ALPK2: variants seen among roughly 807,000 people sequenced by gnomAD.
The protein encoded by ALPK2 is alpha-protein kinase 2.
A neutral mutation model predicts 163.1 loss-of-function variants in ALPK2; 127 were observed. The observed-to-expected ratio is 0.78, with a 90% confidence interval of 0.67 to 0.90. The LOEUF is 0.90. ALPK2 is among the 40% of genes least tolerant of loss of function. ALPK2 has a pLI of 0.00. For synonymous variants in ALPK2, 953 were observed against 959.1 expected (o/e 0.99, Z 0.12); for missense variants, 2,360 against 2,589.6 (o/e 0.91, Z 1.92).
intron 1 of ALPK2, among the ~76,000 whole-genome samples, chr18:58,627,511 C>T (rs890350561): frequency 6.6e-6 from 1 of 152,000 alleles, no homozygotes; most frequent in Non-Finnish European, 1.5e-5. Flanking sequence ...GTAATGCCAC[C>T]TACTTTGGGA....
At chr18:58,532,219 A>C (rs1263153191) in intron 5 of ALPK2, among the ~76,000 whole-genome samples, 1 of 152,218 alleles carries the variant, frequency 6.6e-6, no homozygotes, top group Admixed American at 6.5e-5. Context: ...CTTCCAGTAC[A>C]ATAACCTAGT....
Position 58,537,401 on chromosome 18 carries a change from T to A in ALPK2, c.2786A>T (p.Gln929Leu). The A allele has an allele frequency of 6.2e-7, 1 of 1,613,864 alleles. No homozygotes were observed. The highest frequency in any genetic ancestry group is 8.5e-7 in the Non-Finnish European group (1 of 1,179,836). ...YPLASTVHAG[Q>L]EQPSPSNSGG... ...TGAGTTGCTGGGGCTTGGCTGCTCC[T>A]GGCCAGCATGTACTGTGGAGGCCAG... Residue 929 changes from glutamine to leucine, a missense_variant, in exon 5 of 13, where the codon CAG becomes CTG. By Grantham distance (113) the Gln-to-Leu change is moderately radical. Transcript: ENST00000361673.
chr18:58,523,118 G>A (rs2051564248), intron 8 of ALPK2, among the ~76,000 whole-genome samples: 1 of 127,670 alleles, frequency 7.8e-6, no homozygotes, highest in Non-Finnish European at 1.6e-5. Context: ...CTGTGTCCAT[G>A]TGTTCTCATT....
At chr18:58,595,131 C>A (rs192768998) in intron 3 of ALPK2, among the ~76,000 whole-genome samples, 5 of 152,302 alleles carry the variant, frequency 3.3e-5, no homozygotes, top group African/African-American at 9.6e-5. Context: ...CAGGTAATAA[C>A]CACATCACCT....
chr18:58,535,621 C>G lies in ALPK2; in HGVS notation c.4566G>C (p.Gly1522=). 6.2e-7 allele frequency: 1 copy of G among 1,614,174 alleles called. No homozygotes were observed. Among genetic ancestry groups the G allele is most frequent in the Non-Finnish European group, 8.5e-7 (1 of 1,180,028 alleles). ...TGTCCTTTTTGCTTTGCTCAGCCTC[C>G]CCTAAGCTCCCATCACTGCTTTCTT... ...QIQESSDGSL[G]EAEQSKKDKA... is the part of the protein sequence containing the mutation. The change falls in exon 5 of 13, where the codon GGG becomes GGC. Residue 1522 remains glycine, a synonymous_variant. Coordinates refer to ENST00000361673, the MANE Select transcript of ALPK2 (RefSeq NM_052947.4).
intron 1 of ALPK2, among the ~76,000 whole-genome samples, chr18:58,614,470 C>A (rs909332765): frequency 3.9e-5 from 6 of 152,160 alleles, no homozygotes; most frequent in African/African-American, 1.2e-4. Flanking sequence ...ATAGTAATCC[C>A]CTCTCAGCAT....
chr18:58,597,441 A>T (rs1316168045), intron 3 of ALPK2, among the ~76,000 whole-genome samples: 1 of 152,204 alleles, frequency 6.6e-6, no homozygotes, highest in Non-Finnish European at 1.5e-5. Context: ...TCTTCACCCA[A>T]CCCTGCAAAG....
At chr18:58,496,795 A>G (rs2051403388) in intron 12 of ALPK2, among the ~76,000 whole-genome samples, 1 of 152,134 alleles carries the variant, frequency 6.6e-6, no homozygotes, top group African/African-American at 2.4e-5. Flanking sequence ...GGGCTGCCAT[A>G]TTCCTAGAGA....
intron 8 of ALPK2, among the ~76,000 whole-genome samples, chr18:58,523,039 A>G (rs2051563742): frequency 7.0e-6 from 1 of 142,630 alleles, no homozygotes; most frequent in South Asian, 2.4e-4. Flanking sequence ...CATTAGGTAT[A>G]TCTCCTAATG....
intron 3 of ALPK2, among the ~76,000 whole-genome samples, chr18:58,590,240 A>T (rs941333221): frequency 4.3e-5 from 6 of 138,200 alleles, no homozygotes; most frequent in Admixed American, 4.3e-4. Context: ...AAAAAAAAAA[A>T]GATTTGGAAT....
At chr18:58,484,407 G>T (rs888572575) in intron 12 of ALPK2, among the ~76,000 whole-genome samples, 1 of 152,166 alleles carries the variant, frequency 6.6e-6, no homozygotes, top group Non-Finnish European at 1.5e-5. Flanking sequence ...TGATGAATAC[G>T]ATGCAGGGGA....
At chr18:58,494,213 T>C (rs2051389855) in intron 12 of ALPK2, among the ~76,000 whole-genome samples, 1 of 152,190 alleles carries the variant, frequency 6.6e-6, no homozygotes, top group East Asian at 1.9e-4. Context: ...AGAAAATGGA[T>C]TACTGGATGT....
intron 4 of ALPK2, among the ~76,000 whole-genome samples, chr18:58,552,921 T>A (rs2051767368): frequency 6.6e-6 from 1 of 152,158 alleles, no homozygotes; most frequent in Admixed American, 6.5e-5. Context: ...TTTTTACAAA[T>A]ATAATCACAT....
At chr18:58,524,853 G>T (rs1018325985) in intron 6 of ALPK2, among the ~76,000 whole-genome samples, 4 of 148,498 alleles carry the variant, frequency 2.7e-5, no homozygotes, top group Admixed American at 6.8e-5. Context: ...GCCTCCCCAA[G>T]TAAATTATGG....
At chr18:58,520,902 G>T (rs566851603) in intron 8 of ALPK2, among the ~76,000 whole-genome samples, 2 of 152,328 alleles carry the variant, frequency 1.3e-5, no homozygotes, top group South Asian at 4.1e-4. Flanking sequence ...TGCAGTCCAG[G>T]CTACTCAGGA....
chr18:58,487,932 T>C (rs1008008958), intron 12 of ALPK2, among the ~76,000 whole-genome samples: 2 of 152,222 alleles, frequency 1.3e-5, no homozygotes, highest in African/African-American at 4.8e-5. Context: ...TCCCCCTGGA[T>C]GAGAGTGGTC....
In ALPK2 at chr18:58,537,527, G is replaced by A. The variant is rs781577644; in HGVS notation, c.2660C>T (p.Ser887Phe). The change falls in exon 5 of 13, where the codon TCC (serine) becomes TTC (phenylalanine). Residue 887 changes from serine (S) to phenylalanine (F), a missense_variant. Coordinates refer to ENST00000361673, the MANE Select transcript of ALPK2 (RefSeq NM_052947.4). ...KSSKDGNSVMSPLFTSTFTLN... is the reference protein window; with the variant it reads ...KSSKDGNSVMFPLFTSTFTLN... ...GGTGAAAGTACTGGTAAAAAGAGGGGACATGACTGAGTTGCCGTCCTTGCT... is the reference window on the plus strand; with the variant it reads ...GGTGAAAGTACTGGTAAAAAGAGGGAACATGACTGAGTTGCCGTCCTTGCT... The A allele has an allele frequency of 5.0e-6, 8 of 1,613,482 alleles. No individual in the cohort carries two copies. The highest frequency in any genetic ancestry group is 1.6e-4 in the Middle Eastern group (1 of 6,082).
intron 8 of ALPK2, among the ~76,000 whole-genome samples, chr18:58,521,180 AG>A (rs1358359310): frequency 1.3e-5 from 2 of 152,256 alleles, no homozygotes; most frequent in Non-Finnish European, 2.9e-5. Flanking sequence ...GTTCAGACCC[AG>A]GCTCTACGGC....
At chr18:58,620,811 T>C (rs1224296046) in intron 1 of ALPK2, among the ~76,000 whole-genome samples, 1 of 152,246 alleles carries the variant, frequency 6.6e-6, no homozygotes, top group Non-Finnish European at 1.5e-5. Context: ...GGTTATTGTA[T>C]ATCTAAAGAA....
Sources: gnomAD v4.1 joint callset for allele counts (sites outside exome capture counted in the v4.1 genomes callset) on GRCh38, gnomAD v4.1.1 for gene constraint, MANE v1.5 for transcripts, NCBI Gene and HGNC (gene_info 2026-07-23, HGNC 2026-07-21) for gene names.